Variants in CAMK4 observed in about 807,000 individuals in gnomAD.
CAMK4 encodes the protein calcium/calmodulin dependent protein kinase IV.
CAMK4 carries 22 observed loss-of-function variants against 44.9 expected under a neutral mutation model. The ratio of observed to expected loss-of-function variants is 0.49; its 90% CI spans 0.35 to 0.70. The LOEUF is 0.70. Among genes scored for constraint, CAMK4 ranks in the 30% least tolerant of loss-of-function variants. The pLI is 0.01. For missense variants in CAMK4, 498 were observed against 586.8 expected (o/e 0.85, Z 1.56); for synonymous variants, 218 against 215.4 (o/e 1.01, Z -0.11).
chr5:111,301,767 A>G (rs949572957), intron 1 of CAMK4, among the ~76,000 whole-genome samples: 1 of 152,180 alleles, frequency 6.6e-6, no homozygotes, highest in Non-Finnish European at 1.5e-5. Flanking sequence ...ACTTTCCTAT[A>G]CATAAACTTG....
chr5:111,318,559 G>C (rs1459411461), intron 1 of CAMK4, among the ~76,000 whole-genome samples: 1 of 152,140 alleles, frequency 6.6e-6, no homozygotes, highest in Non-Finnish European at 1.5e-5. Flanking sequence ...TAACAGAGTG[G>C]AAATACCAAG....
At chr5:111,430,302 A>T (rs1753396355) in intron 5 of CAMK4, among the ~76,000 whole-genome samples, 1 of 152,234 alleles carries the variant, frequency 6.6e-6, no homozygotes, top group Admixed American at 6.5e-5. Flanking sequence ...AACACTGGAT[A>T]TAGAAGGAAC....
At chr5:111,342,045 A>G (rs980094329) in intron 1 of CAMK4, among the ~76,000 whole-genome samples, 5 of 151,478 alleles carry the variant, frequency 3.3e-5, no homozygotes, top group Admixed American at 6.6e-5. Flanking sequence ...TAGTAAGTCT[A>G]TAAAGTATGT....
In CAMK4 at chr5:111,492,221, C is replaced by A. The variant is rs371782449; in HGVS notation, c.*7755C>A. 2.0e-5 allele frequency: 3 copies of A among 152,066 alleles called. No individual in the cohort carries two copies. Among genetic ancestry groups the A allele is most frequent in the Admixed American group, 1.3e-4 (2 of 15,268 alleles). The allele number at this position is 152,066 out of a possible 1,614,324, so 9.4% of individuals were successfully genotyped here. ...TCCGTTTGACTTTCAACATCTGTAACCAAAAGGTCACAAATGAAATATTTA... is the reference window on the plus strand; with the variant it reads ...TCCGTTTGACTTTCAACATCTGTAAACAAAAGGTCACAAATGAAATATTTA... On this transcript the variant is annotated 3_prime_UTR_variant, in exon 11 of 11. Coordinates refer to ENST00000282356, the MANE Select transcript of CAMK4 (RefSeq NM_001744.6).
chr5:111,449,034 T>C, intron 6 of CAMK4, 95 bp from the exon 7 acceptor site: 2 of 579,490 alleles, frequency 3.5e-6, no homozygotes, highest in Non-Finnish European at 6.2e-6. Flanking sequence ...AGAAAGCAAA[T>C]AGATAAATAA....
chr5:111,336,254 T>G (rs1580611874), intron 1 of CAMK4, among the ~76,000 whole-genome samples: 1 of 151,376 alleles, frequency 6.6e-6, no homozygotes, highest in East Asian at 2.0e-4. Context: ...TCTCCTTGCT[T>G]CTTTTGAATC....
At position 111,392,867 on chromosome 5, in the gene CAMK4, A is replaced by G. The variant is rs547066448; in HGVS notation, c.387-1843A>G. On this transcript the variant is annotated intron_variant, in intron 4 of 10. Coordinates refer to ENST00000282356, the MANE Select transcript of CAMK4 (RefSeq NM_001744.6). ...TCTCAGGTATTATATTATACTGGAT[A>G]GTAAAATAACCACCAAAGACTTCAA... is the stretch of plus-strand genomic sequence containing the variant. 1.6e-3 allele frequency among the ~76,000 whole-genome samples: 244 copies of G among 152,298 alleles called. 1 individual carries two copies. The highest frequency in any genetic ancestry group is 5.4e-3 in the African/African-American group (223 of 41,568).
rs1182613313 is a variant in CAMK4, at chr5:111,493,857, C to T, written c.*9391C>T. ...GTGATTAGTGAATGGCGGCATTATT[C>T]CTGAAGACAAATGAAGGAAGATAGG... On this transcript the variant is annotated 3_prime_UTR_variant, in exon 11 of 11. Transcript: ENST00000282356. This position sits in a 1 kb window ranked among gnomAD's most constrained non-coding sequence, Gnocchi z 4.1. 1.3e-5 allele frequency: 2 copies of T among 151,966 alleles called. No individual in the cohort carries two copies. The highest frequency in any genetic ancestry group is 2.9e-5 in the Non-Finnish European group (2 of 67,994). 9.4% of individuals were successfully genotyped at this position (151,966 alleles called of 1,614,324 possible).
chr5:111,327,643 T>C (rs1748958831), intron 1 of CAMK4, among the ~76,000 whole-genome samples: 1 of 151,836 alleles, frequency 6.6e-6, no homozygotes, highest in South Asian at 2.1e-4. Context: ...AAAATGTTCC[T>C]ATTTCTCCAC....
chr5:111,459,107 T>C (rs977311314), intron 7 of CAMK4, among the ~76,000 whole-genome samples: 39 of 152,180 alleles, frequency 2.6e-4, no homozygotes, highest in Non-Finnish European at 5.0e-4. Flanking sequence ...ATATAGACGG[T>C]ATTTCAAGTC....
chr5:111,297,040 A>C (rs1374773370), intron 1 of CAMK4, among the ~76,000 whole-genome samples: 2 of 152,186 alleles, frequency 1.3e-5, no homozygotes, highest in East Asian at 3.9e-4. Flanking sequence ...CCTTACATTC[A>C]GTTGCTTTGA....
intron 1 of CAMK4, among the ~76,000 whole-genome samples, chr5:111,282,114 T>C (rs891589596): frequency 6.6e-6 from 1 of 152,038 alleles, no homozygotes; most frequent in Admixed American, 6.5e-5. Flanking sequence ...ATTTATTGCA[T>C]TTTTTCTTCA....
chr5:111,223,649 A>C (rs1159576444), upstream of CAMK4: 5 of 152,372 alleles, frequency 3.3e-5, no homozygotes, highest in African/African-American at 1.2e-4. This position sits in a 1 kb window ranked among gnomAD's most constrained non-coding sequence, Gnocchi z 4.3. Context: ...AGTGCCGAGG[A>C]GGCAGTGCCA....
intron 1 of CAMK4, among the ~76,000 whole-genome samples, chr5:111,293,493 C>G (rs1354089822): frequency 6.6e-6 from 1 of 151,540 alleles, no homozygotes; most frequent in Non-Finnish European, 1.5e-5. Context: ...ATGGCGTGAT[C>G]TCAGCTCACT....
chr5:111,273,030 G>A (rs962125513), intron 1 of CAMK4, among the ~76,000 whole-genome samples: 3 of 152,104 alleles, frequency 2.0e-5, no homozygotes, highest in Admixed American at 6.5e-5. Flanking sequence ...TGAGTCAGGA[G>A]TTGTTGTAAA....
intron 6 of CAMK4, 122 bp downstream of exon 6, chr5:111,446,898 A>G (rs1754051105): frequency 2.8e-6 from 2 of 717,844 alleles, no homozygotes; most frequent in Admixed American, 2.1e-5. Context: ...TGAATAATTG[A>G]CATCTGTAAA....
chr5:111,470,544 C>G (rs1310434960), intron 7 of CAMK4, among the ~76,000 whole-genome samples: 2 of 152,184 alleles, frequency 1.3e-5, no homozygotes, highest in Admixed American at 6.5e-5. Flanking sequence ...TAAACTGCAT[C>G]AAGGTCAAGA....
At chr5:111,256,256 G>A (rs765306993) in intron 1 of CAMK4, among the ~76,000 whole-genome samples, 10 of 152,082 alleles carry the variant, frequency 6.6e-5, no homozygotes, top group Non-Finnish European at 1.5e-4. Flanking sequence ...CAAATTAGTC[G>A]TTGCCAGGGA....
chr5:111,314,172 G>A (rs1748326505), intron 1 of CAMK4, among the ~76,000 whole-genome samples: 1 of 152,050 alleles, frequency 6.6e-6, no homozygotes, highest in African/African-American at 2.4e-5. Flanking sequence ...TACCTAGAGT[G>A]GAGTTTAAGT....
Sources: allele counts gnomAD v4.1 joint callset (sites outside exome capture counted in the v4.1 genomes callset), GRCh38; gene constraint gnomAD v4.1.1; non-coding constraint Gnocchi (gnomAD v3.1); transcripts MANE v1.5; gene names NCBI Gene and HGNC (gene_info 2026-07-23, HGNC 2026-07-21).